BMP5: variants seen among roughly 807,000 people sequenced by gnomAD.
BMP5 encodes bone morphogenetic protein 5.
In BMP5, 23 loss-of-function variants were observed where a neutral mutation model predicts 46.6. The ratio of observed to expected loss-of-function variants is 0.49; its 90% CI spans 0.35 to 0.70. The LOEUF is 0.70. Among genes scored for constraint, BMP5 ranks in the 30% least tolerant of loss-of-function variants. The pLI, the probability that BMP5 is intolerant of heterozygous loss-of-function variation, is 0.00. For missense variants in BMP5, 545 were observed against 565.6 expected (o/e 0.96, Z 0.37); for synonymous variants, 204 against 191.9 (o/e 1.06, Z -0.52).
At chr6:55,842,220 C>G (rs543733751) in intron 1 of BMP5, among the ~76,000 whole-genome samples, 9 of 152,266 alleles carry the variant, frequency 5.9e-5, no homozygotes, top group Admixed American at 4.6e-4. Context: ...TAGAGCGGAT[C>G]TATTTCAGTT....
chr6:55,844,624 A>G (rs1314504902), intron 1 of BMP5, among the ~76,000 whole-genome samples: 3 of 151,924 alleles, frequency 2.0e-5, no homozygotes, highest in Admixed American at 1.3e-4. Context: ...TTAAAATTCA[A>G]TGTGAATTCA....
intron 2 of BMP5, among the ~76,000 whole-genome samples, chr6:55,813,925 C>G (rs1012975974): frequency 6.6e-6 from 1 of 151,956 alleles, no homozygotes; most frequent in Admixed American, 6.6e-5. Flanking sequence ...TACATGAATC[C>G]GTCTACATCT....
chr6:55,839,599 G>A (rs1776902208), intron 1 of BMP5, among the ~76,000 whole-genome samples: 1 of 152,170 alleles, frequency 6.6e-6, no homozygotes, highest in South Asian at 2.1e-4. Flanking sequence ...ATAGGCATGA[G>A]CCACCATGCT....
chr6:55,820,524 C>A (rs1776381897), intron 1 of BMP5, among the ~76,000 whole-genome samples: 2 of 151,842 alleles, frequency 1.3e-5, no homozygotes, highest in South Asian at 4.2e-4. Flanking sequence ...CTCAAGTGAT[C>A]CTCCCACCTC....
intron 1 of BMP5, among the ~76,000 whole-genome samples, chr6:55,854,207 T>C (rs1777329917): frequency 6.6e-6 from 1 of 152,120 alleles, no homozygotes; most frequent in African/African-American, 2.4e-5. Context: ...ATAAGATTTA[T>C]ATAAATTATG....
At chr6:55,859,922 G>T (rs1246279605) in intron 1 of BMP5, among the ~76,000 whole-genome samples, 1 of 152,154 alleles carries the variant, frequency 6.6e-6, no homozygotes, top group African/African-American at 2.4e-5. Context: ...AGAACCTATT[G>T]AATTAGTTTC....
chr6:55,784,034 T>C (rs560379488), intron 3 of BMP5, among the ~76,000 whole-genome samples: 21 of 151,942 alleles, frequency 1.4e-4, no homozygotes, highest in Non-Finnish European at 2.2e-4. Flanking sequence ...ATGCTGAACT[T>C]TGGATAAGCA....
chr6:55,848,201 C>A (rs1777144986), intron 1 of BMP5, among the ~76,000 whole-genome samples: 1 of 151,846 alleles, frequency 6.6e-6, no homozygotes, highest in South Asian at 2.1e-4. Flanking sequence ...TCCTGGAAGA[C>A]CACCCTAATG....
chr6:55,797,614 C>CTTTTTTT (rs60366569), intron 2 of BMP5, among the ~76,000 whole-genome samples: 24 of 110,590 alleles, frequency 2.2e-4, no homozygotes, highest in Non-Finnish European at 2.9e-4. Flanking sequence ...ATTTTCTTTT[C>CTTTTTTT]TTTTTTTTTT....
chr6:55,759,518 C>G (rs922346431), intron 5 of BMP5, among the ~76,000 whole-genome samples: 3 of 151,582 alleles, frequency 2.0e-5, no homozygotes, highest in Admixed American at 2.0e-4. Flanking sequence ...CAAGTGAACC[C>G]GAAAGAAAAA....
At chr6:55,852,019 TC>T (rs1194059968) in intron 1 of BMP5, among the ~76,000 whole-genome samples, 7 of 152,168 alleles carry the variant, frequency 4.6e-5, no homozygotes, top group African/African-American at 1.7e-4. Context: ...TCCTATTCTA[TC>T]CCCCCAAAGT....
At chr6:55,852,361 G>A (rs921443647) in intron 1 of BMP5, among the ~76,000 whole-genome samples, 12 of 152,094 alleles carry the variant, frequency 7.9e-5, no homozygotes, top group African/African-American at 2.9e-4. Flanking sequence ...CAAATAGAAA[G>A]ACAATATTTC....
At position 55,774,134 on chromosome 6, in the gene BMP5, G is replaced by A. The variant is rs747912353; in HGVS notation, c.942C>T (p.Ser314=). The A allele has an allele frequency of 1.2e-5, 19 of 1,612,956 alleles. No individual in the cohort carries two copies. The highest frequency in any genetic ancestry group is 1.1e-4 in the East Asian group (5 of 44,840). ...FFKASEVLLR[S]VRAANKRKNQ... is the part of the protein sequence containing the mutation. ...TTTTTCGTTTGTTGGCTGCTCTCAC[G>A]GATCGAAGAAGTACCTCACTCGCCT... The change falls in exon 4 of 7, where the codon TCC becomes TCT. Residue 314 remains serine (S), a synonymous_variant. Transcript: ENST00000370830.
At chr6:55,803,185 A>G (rs1775894434) in intron 2 of BMP5, among the ~76,000 whole-genome samples, 1 of 151,200 alleles carries the variant, frequency 6.6e-6, no homozygotes, top group African/African-American at 2.4e-5. Flanking sequence ...AATCCCAGCT[A>G]CTCGGGAGGC....
intron 1 of BMP5, among the ~76,000 whole-genome samples, chr6:55,847,653 C>T (rs944082241): frequency 1.3e-5 from 2 of 151,614 alleles, no homozygotes; most frequent in African/African-American, 4.8e-5. Context: ...ATTTTTTTTA[C>T]TTTTATGTTA....
rs73744925 is a variant in BMP5 at position 55,839,778 on chromosome 6, T to G, written c.491-19931A>C. ...AGTGTTATTTTAATTTACTTTTCCC[T>G]AGTGAATAATGATATTAAATACCTT... is the stretch of plus-strand genomic sequence containing the variant. On this transcript the variant is annotated intron_variant, in intron 1 of 6. Transcript: ENST00000370830. 4.8e-3 allele frequency among the ~76,000 whole-genome samples: 737 copies of G among 152,334 alleles called. 2 individuals carry two copies. Among genetic ancestry groups the G allele is most frequent in the African/African-American group, 0.016 (686 of 41,576 alleles).
intron 2 of BMP5, among the ~76,000 whole-genome samples, chr6:55,806,805 C>T (rs1776001538): frequency 6.6e-6 from 1 of 152,024 alleles, no homozygotes; most frequent in African/African-American, 2.4e-5. Context: ...AGCTGTATTC[C>T]TAGGCATTTT....
At chr6:55,873,254 TA>T (rs1192650514) in intron 1 of BMP5, among the ~76,000 whole-genome samples, 2 of 151,892 alleles carry the variant, frequency 1.3e-5, no homozygotes, top group African/African-American at 4.8e-5. Flanking sequence ...AGTTTTTAAT[TA>T]AGTGTTTAAT....
At chr6:55,762,386 C>T (rs1309402964) in intron 4 of BMP5, among the ~76,000 whole-genome samples, 1 of 152,032 alleles carries the variant, frequency 6.6e-6, no homozygotes, top group Non-Finnish European at 1.5e-5. Flanking sequence ...ATGGTTACTT[C>T]AAGTAATTAT....
Sources: gnomAD v4.1 joint callset for allele counts (sites outside exome capture counted in the v4.1 genomes callset) on GRCh38, gnomAD v4.1.1 for gene constraint, MANE v1.5 for transcripts, NCBI Gene and HGNC (gene_info 2026-07-23, HGNC 2026-07-21) for gene names.